The following DNAH14 variants were observed in gnomAD, a reference collection of about 807,000 sequenced individuals.
The protein encoded by DNAH14 is dynein axonemal heavy chain 14.
A neutral mutation model predicts 520.9 loss-of-function variants in DNAH14; 478 were observed. The ratio of observed to expected loss-of-function variants is 0.92; its 90% CI spans 0.85 to 0.99. DNAH14 has a LOEUF of 0.99. DNAH14 is among the 50% of genes least tolerant of loss of function. DNAH14 has a pLI of 0.00. For missense variants in DNAH14, 4,831 were observed against 5,234.5 expected, an observed-to-expected ratio of 0.92 and a Z score of 2.38; for synonymous variants, 1,581 against 1,757.2, an observed-to-expected ratio of 0.90 and a Z score of 2.51.
chr1:224,979,426 G>A (rs1020903426), intron 8 of DNAH14, among the ~76,000 whole-genome samples: 1 of 152,188 alleles, frequency 6.6e-6, no homozygotes, highest in Non-Finnish European at 1.5e-5. Context: ...GCCACCCACA[G>A]AGGGAGAATT....
intron 8 of DNAH14, among the ~76,000 whole-genome samples, chr1:224,989,466 T>A (rs1415011080): frequency 1.3e-5 from 2 of 152,104 alleles, no homozygotes; most frequent in African/African-American, 2.4e-5. Flanking sequence ...AGGAGTTTTT[T>A]AATATATTTT....
intron 75 of DNAH14, among the ~76,000 whole-genome samples, chr1:225,362,362 G>C (rs1244679199): frequency 6.6e-6 from 1 of 152,158 alleles, no homozygotes; most frequent in African/African-American, 2.4e-5. Flanking sequence ...ATCACCTGAA[G>C]TCAGGCGTCT....
chr1:225,379,405 G>A (rs2095750961), intron 79 of DNAH14, among the ~76,000 whole-genome samples: 1 of 152,176 alleles, frequency 6.6e-6, no homozygotes, highest in Non-Finnish European at 1.5e-5. Flanking sequence ...GCATAATTTT[G>A]TGGTTCTGTG....
At position 225,204,459 on chromosome 1, in the gene DNAH14, A is replaced by G. The variant is rs543578962; in HGVS notation, c.5977+186A>G. On this transcript the variant is annotated intron_variant, in intron 39 of 85. Transcript: ENST00000682510. Reference sequence around the variant, plus strand: ...CCACATATTATATTACAATGTATACATATATATATAATTACATTATATAAG... The same window carrying G: ...CCACATATTATATTACAATGTATACGTATATATATAATTACATTATATAAG... Among the ~76,000 whole-genome samples, 4 of 152,190 alleles carry G rather than the reference A, an allele frequency of 2.6e-5. No homozygotes were observed. The East Asian group carries it at 7.7e-4, about 29-fold the overall frequency.
At chr1:225,270,597 T>C (rs1427331723) in intron 49 of DNAH14, 138 bp from the exon 50 acceptor site, 6 of 653,970 alleles carry the variant, frequency 9.2e-6, no homozygotes, top group Non-Finnish European at 1.4e-5. Context: ...GTAATCTTTG[T>C]TTTTGCAATA....
At chr1:225,189,296 A>G (rs1360541849) in intron 37 of DNAH14, among the ~76,000 whole-genome samples, 1 of 151,728 alleles carries the variant, frequency 6.6e-6, no homozygotes, top group Non-Finnish European at 1.5e-5. Flanking sequence ...TTGCATATAT[A>G]TCCTTAAGGG....
At chr1:225,323,475 GT>G (rs1012361082) in intron 62 of DNAH14, among the ~76,000 whole-genome samples, 13 of 151,774 alleles carry the variant, frequency 8.6e-5, no homozygotes, top group Admixed American at 4.6e-4. Flanking sequence ...TTTGTTTTTT[GT>G]TTTTTGTTTT....
At chr1:225,047,333 GT>G (rs1259623695) in intron 15 of DNAH14, among the ~76,000 whole-genome samples, 1 of 152,076 alleles carries the variant, frequency 6.6e-6, no homozygotes, top group African/African-American at 2.4e-5. Context: ...TTACTTGTTT[GT>G]TATACAGTCA....
chr1:225,362,449 C>G (rs1165897875), intron 75 of DNAH14, among the ~76,000 whole-genome samples: 1 of 152,104 alleles, frequency 6.6e-6, no homozygotes, highest in Admixed American at 6.5e-5. Flanking sequence ...GTGGCACACG[C>G]CTGTAGTCCC....
intron 27 of DNAH14, among the ~76,000 whole-genome samples, chr1:225,135,577 G>A (rs986060950): frequency 6.6e-6 from 1 of 151,920 alleles, no homozygotes; most frequent in Non-Finnish European, 1.5e-5. Context: ...TCTATTATGT[G>A]ATCCTATTAT....
At chr1:225,182,051 T>G (rs2084087809) in intron 36 of DNAH14, among the ~76,000 whole-genome samples, 1 of 152,020 alleles carries the variant, frequency 6.6e-6, no homozygotes, top group Non-Finnish European at 1.5e-5. Flanking sequence ...AAAAAAAAAT[T>G]AGCTGGGCAT....
chr1:225,351,395 A>C (rs1215080171), intron 71 of DNAH14, among the ~76,000 whole-genome samples: 7 of 152,188 alleles, frequency 4.6e-5, no homozygotes, highest in Non-Finnish European at 1.0e-4. Context: ...TGTCTCAAAA[A>C]ACAAAAACAA....
At chr1:225,251,259 C>T (rs921771723) in intron 43 of DNAH14, among the ~76,000 whole-genome samples, 6 of 151,862 alleles carry the variant, frequency 4.0e-5, no homozygotes, top group African/African-American at 7.3e-5. Flanking sequence ...CTGCAGCCTC[C>T]GCCTCCCAGG....
At chr1:225,200,141 G>A (rs1464209678) in intron 38 of DNAH14, among the ~76,000 whole-genome samples, 2 of 152,060 alleles carry the variant, frequency 1.3e-5, no homozygotes, top group East Asian at 3.8e-4. Flanking sequence ...TCTGATATAA[G>A]AATAGCTACT....
At chr1:225,055,495 C>A (rs961793475) in intron 17 of DNAH14, among the ~76,000 whole-genome samples, 2 of 152,048 alleles carry the variant, frequency 1.3e-5, no homozygotes, top group Non-Finnish European at 2.9e-5. Flanking sequence ...GGACTACAGG[C>A]ATGTACAACC....
chr1:225,337,355 G>C lies in DNAH14; in HGVS notation c.10170G>C (p.Leu3390=). The change falls in exon 67 of 86, where the codon CTG becomes CTC. Residue 3390 remains leucine, a synonymous_variant. Transcript: ENST00000682510. ...TCAAGAATGGCCAGCAGTGGCCACT[G>C]CTGATTGACCCACATAGGCAAGCTC... ...ILIKNGQQWP[L]LIDPHRQAHK... is the part of the protein sequence containing the mutation. 1 of 1,551,676 alleles carries C rather than the reference G, an allele frequency of 6.4e-7. No individual in the cohort carries two copies. The highest frequency in any genetic ancestry group is 8.7e-7 in the Non-Finnish European group (1 of 1,146,976).
intron 2 of DNAH14, among the ~76,000 whole-genome samples, chr1:224,954,137 A>G (rs2060355228): frequency 6.6e-6 from 1 of 152,132 alleles, no homozygotes; most frequent in African/African-American, 2.4e-5. Flanking sequence ...ACAGATATGG[A>G]TAGACATTTT....
At chr1:225,062,387 G>T (rs1292915995) in intron 17 of DNAH14, among the ~76,000 whole-genome samples, 2 of 152,074 alleles carry the variant, frequency 1.3e-5, no homozygotes, top group Non-Finnish European at 2.9e-5. Flanking sequence ...GGTAGTACAG[G>T]ATTATGATTC....
intron 52 of DNAH14, 123 bp downstream of exon 52, chr1:225,273,248 C>G: frequency 9.8e-7 from 1 of 1,015,718 alleles, no homozygotes. Context: ...CTGGCTAACA[C>G]GTGAAACCCC....
Sources: gnomAD v4.1 joint callset for allele counts (sites outside exome capture counted in the v4.1 genomes callset) on GRCh38, gnomAD v4.1.1 for gene constraint, MANE v1.5 for transcripts, NCBI Gene and HGNC (gene_info 2026-07-23, HGNC 2026-07-21) for gene names.